The following WWOX variants were observed in gnomAD, a reference collection of about 807,000 sequenced individuals.
The protein encoded by WWOX is WW domain containing oxidoreductase.
In WWOX, 69 loss-of-function variants were observed where a neutral mutation model predicts 46.2. That is an observed-to-expected ratio of 1.49 (90% CI 1.23 to 1.82). WWOX has a LOEUF of 1.82. Ranked by LOEUF, WWOX falls within the 40% of genes most tolerant of loss-of-function variation. The probability of loss-of-function intolerance (pLI) is 0.00; values close to 1 mark genes in which losing one functional copy is unlikely to be tolerated. For synonymous variants in WWOX, 359 were observed against 202.6 expected (o/e 1.77, Z -6.56); for missense variants, 919 against 542.6 (o/e 1.69, Z -6.89).
chr16:79,154,611 A>C (rs2050345129), intron 8 of WWOX, among the ~76,000 whole-genome samples: 1 of 152,286 alleles, frequency 6.6e-6, no homozygotes, highest in South Asian at 2.1e-4. Context: ...ACTTGGAAAA[A>C]CTAAAAAGTT....
intron 8 of WWOX, among the ~76,000 whole-genome samples, chr16:79,160,652 C>G (rs1485023440): frequency 6.6e-6 from 1 of 152,044 alleles, no homozygotes; most frequent in Non-Finnish European, 1.5e-5. Flanking sequence ...ATCTGCAGCC[C>G]ACACTCGGCT....
chr16:78,264,008 T>G (rs998599397), intron 5 of WWOX, among the ~76,000 whole-genome samples: 2 of 139,072 alleles, frequency 1.4e-5, no homozygotes, highest in Admixed American at 7.5e-5. Flanking sequence ...TTTTTTTTTT[T>G]TTTTTTTGTT....
chr16:79,138,377 T>C (rs1415556717), intron 8 of WWOX, among the ~76,000 whole-genome samples: 2 of 152,246 alleles, frequency 1.3e-5, no homozygotes, highest in East Asian at 3.9e-4. Flanking sequence ...TTCAGTACGC[T>C]GCCCAGTGCC....
At chr16:78,460,328 A>T (rs2083920658) in intron 8 of WWOX, among the ~76,000 whole-genome samples, 1 of 151,842 alleles carries the variant, frequency 6.6e-6, no homozygotes, top group African/African-American at 2.4e-5. Flanking sequence ...GAGTTTCACC[A>T]AGTTGGCCAG....
chr16:78,307,605 G>T (rs948521971), intron 5 of WWOX, among the ~76,000 whole-genome samples: 1 of 152,188 alleles, frequency 6.6e-6, no homozygotes, highest in South Asian at 2.1e-4. Flanking sequence ...TTTTAACCCA[G>T]TGAGGTTGAT....
chr16:79,034,713 C>A (rs1476446217), intron 8 of WWOX, among the ~76,000 whole-genome samples: 3 of 151,030 alleles, frequency 2.0e-5, no homozygotes, highest in African/African-American at 4.9e-5. Context: ...TATTTAAAAA[C>A]AAAAATACTT....
At chr16:78,803,817 G>T (rs1245618508) in intron 8 of WWOX, among the ~76,000 whole-genome samples, 1 of 152,046 alleles carries the variant, frequency 6.6e-6, no homozygotes, top group Non-Finnish European at 1.5e-5. Flanking sequence ...CATGATGGAG[G>T]AATTTTAAAA....
At chr16:79,154,757 C>A (rs1319953084) in intron 8 of WWOX, among the ~76,000 whole-genome samples, 3 of 152,104 alleles carry the variant, frequency 2.0e-5, no homozygotes, top group Non-Finnish European at 4.4e-5. Flanking sequence ...TCTTTTGGGT[C>A]CTTTTGAGTC....
intron 8 of WWOX, among the ~76,000 whole-genome samples, chr16:78,720,543 A>T (rs1005996189): frequency 6.7e-6 from 1 of 149,988 alleles, no homozygotes; most frequent in Middle Eastern, 3.4e-3. Context: ...TCAGGATTTT[A>T]TATCATAATG....
At chr16:79,106,998 T>C (rs2049323983) in intron 8 of WWOX, among the ~76,000 whole-genome samples, 1 of 151,730 alleles carries the variant, frequency 6.6e-6, no homozygotes, top group African/African-American at 2.4e-5. Flanking sequence ...GTTAGTAGAG[T>C]TGGGGTTTCA....
intron 8 of WWOX, among the ~76,000 whole-genome samples, chr16:78,623,085 C>G (rs1417039650): frequency 6.6e-6 from 1 of 151,960 alleles, no homozygotes; most frequent in East Asian, 1.9e-4. Flanking sequence ...CATCCCCAGT[C>G]AAGCCTCTGA....
chr16:78,810,675 T>C (rs559664173), intron 8 of WWOX, among the ~76,000 whole-genome samples: 30 of 152,208 alleles, frequency 2.0e-4, no homozygotes, highest in Non-Finnish European at 4.1e-4. Context: ...GCCTGCCTAA[T>C]GCTGATTGAA....
chr16:78,422,944 G>T (rs1247095258), intron 6 of WWOX, among the ~76,000 whole-genome samples: 2 of 149,862 alleles, frequency 1.3e-5, no homozygotes, highest in African/African-American at 2.5e-5. Context: ...GGGGTGCAGT[G>T]ACATGATCTC....
chr16:78,480,701 A>G (rs1445706494), intron 8 of WWOX, among the ~76,000 whole-genome samples: 1 of 152,212 alleles, frequency 6.6e-6, no homozygotes, highest in Non-Finnish European at 1.5e-5. Flanking sequence ...ATGGTCAGGA[A>G]TTGTGTGCAG....
chr16:78,734,809 T>TGAA (rs1160032405), intron 8 of WWOX, among the ~76,000 whole-genome samples: 37 of 147,568 alleles, frequency 2.5e-4, no homozygotes, highest in African/African-American at 8.2e-4. Context: ...GAGAACTCCT[T>TGAA]CTGCCTGATG....
chr16:78,152,286 C>A (rs143545756), intron 4 of WWOX, among the ~76,000 whole-genome samples: 1 of 152,138 alleles, frequency 6.6e-6, no homozygotes, highest in Non-Finnish European at 1.5e-5. Flanking sequence ...GTATTTTGTC[C>A]TATTCATGCA....
chr16:78,684,854 C>G (rs1045310200), intron 8 of WWOX, among the ~76,000 whole-genome samples: 1 of 152,188 alleles, frequency 6.6e-6, no homozygotes. Flanking sequence ...CCAGGAAATA[C>G]ACTTGTAATT....
intron 8 of WWOX, among the ~76,000 whole-genome samples, chr16:78,575,049 ATATATATAT>A (rs2044834051): frequency 9.0e-5 from 1 of 11,088 alleles, no homozygotes; most frequent in Non-Finnish European, 1.8e-4. Flanking sequence ...ATATATATAT[ATATATATAT>A]ATATATATAT....
At chr16:78,784,403 T>A (rs2050404866) in intron 8 of WWOX, among the ~76,000 whole-genome samples, 1 of 151,942 alleles carries the variant, frequency 6.6e-6, no homozygotes, top group Non-Finnish European at 1.5e-5. Flanking sequence ...CTCCACTTAG[T>A]TTTTCTCCAC....
Sources: gnomAD v4.1 joint callset for allele counts (sites outside exome capture counted in the v4.1 genomes callset) on GRCh38, gnomAD v4.1.1 for gene constraint, MANE v1.5 for transcripts, NCBI Gene and HGNC (gene_info 2026-07-23, HGNC 2026-07-21) for gene names.